EYA4: variants seen among roughly 807,000 people sequenced by gnomAD.
The protein encoded by EYA4 is protein phosphatase EYA4.
A neutral mutation model predicts 87.9 loss-of-function variants in EYA4; 31 were observed. That is an observed-to-expected ratio of 0.35 (90% CI 0.27 to 0.48). The LOEUF is 0.48. EYA4 is among the 20% of genes least tolerant of loss of function. The pLI is 0.99. For synonymous variants in EYA4, 263 were observed against 270.6 expected (o/e 0.97, Z 0.28); for missense variants, 678 against 761.4 (o/e 0.89, Z 1.29).
chr6:133,296,445 A>G (rs1778951670), intron 2 of EYA4, among the ~76,000 whole-genome samples: 1 of 152,180 alleles, frequency 6.6e-6, no homozygotes, highest in Admixed American at 6.6e-5. Flanking sequence ...AGGCTGTTGC[A>G]GTAGTTCAGG....
At chr6:133,335,594 G>T (rs1393644602) in intron 2 of EYA4, among the ~76,000 whole-genome samples, 1 of 152,162 alleles carries the variant, frequency 6.6e-6, no homozygotes, top group Non-Finnish European at 1.5e-5. Flanking sequence ...GTAGTTAAAT[G>T]GTTTCTCTGA....
chr6:133,434,044 G>A (rs1791421871), intron 3 of EYA4, among the ~76,000 whole-genome samples: 1 of 152,196 alleles, frequency 6.6e-6, no homozygotes, highest in African/African-American at 2.4e-5. Flanking sequence ...CCACAACTGT[G>A]TGACTATGGG....
chr6:133,401,504 A>C (rs1470615380), intron 3 of EYA4, among the ~76,000 whole-genome samples: 1 of 152,216 alleles, frequency 6.6e-6, no homozygotes, highest in Non-Finnish European at 1.5e-5. Context: ...ACGTACCCTC[A>C]AAATGTGTCC....
intron 5 of EYA4, among the ~76,000 whole-genome samples, chr6:133,451,103 C>T (rs1169037785): frequency 2.6e-5 from 4 of 152,126 alleles, no homozygotes; most frequent in Admixed American, 1.3e-4. Flanking sequence ...TCTCTGTTGT[C>T]GCTATTTAGC....
At chr6:133,382,571 A>G (rs2128480875) in intron 3 of EYA4, 130 bp downstream of exon 3, 1 of 781,768 alleles carries the variant, frequency 1.3e-6, no homozygotes, top group Non-Finnish European at 2.4e-6. Context: ...CTTGATGGAA[A>G]CTGTATATCA....
chr6:133,487,218 T>C (rs1432974472), intron 13 of EYA4, among the ~76,000 whole-genome samples: 4 of 152,168 alleles, frequency 2.6e-5, no homozygotes, highest in Non-Finnish European at 5.9e-5. Context: ...GAGAAGAATC[T>C]TCCATCTCAG....
chr6:133,392,073 G>T (rs1186557694), intron 3 of EYA4, among the ~76,000 whole-genome samples: 2 of 152,102 alleles, frequency 1.3e-5, no homozygotes, highest in East Asian at 3.9e-4. Context: ...ACCTTTAAGT[G>T]GAGTGGCAGC....
At chr6:133,338,477 GC>G (rs1782541063) in intron 2 of EYA4, among the ~76,000 whole-genome samples, 1 of 152,068 alleles carries the variant, frequency 6.6e-6, no homozygotes, top group South Asian at 2.1e-4. Context: ...TTCCAGGATG[GC>G]TCTGTCAGGA....
intron 3 of EYA4, among the ~76,000 whole-genome samples, chr6:133,407,541 A>G (rs1038221549): frequency 2.0e-5 from 3 of 151,754 alleles, no homozygotes; most frequent in African/African-American, 7.3e-5. Flanking sequence ...CAGCATGCCA[A>G]CCCCCCTCAC....
At chr6:133,334,167 T>G (rs976133825) in intron 2 of EYA4, among the ~76,000 whole-genome samples, 3 of 152,234 alleles carry the variant, frequency 2.0e-5, no homozygotes, top group African/African-American at 7.2e-5. Flanking sequence ...TTAATAACTT[T>G]AAACTTACAA....
chr6:133,315,161 C>G (rs1328702056), intron 2 of EYA4, among the ~76,000 whole-genome samples: 1 of 152,144 alleles, frequency 6.6e-6, no homozygotes, highest in Non-Finnish European at 1.5e-5. Flanking sequence ...ACTGAAGCGG[C>G]TCAGAATTTC....
At chr6:133,362,181 C>T (rs1583061774) in intron 2 of EYA4, among the ~76,000 whole-genome samples, 2 of 152,074 alleles carry the variant, frequency 1.3e-5, no homozygotes, top group Non-Finnish European at 2.9e-5. Flanking sequence ...CAGCTTATCC[C>T]CTCCTGTAGA....
At chr6:133,243,809 T>G (rs1485761744) in intron 1 of EYA4, among the ~76,000 whole-genome samples, 1 of 152,174 alleles carries the variant, frequency 6.6e-6, no homozygotes, top group Admixed American at 6.5e-5. Context: ...TTGTGTATTT[T>G]TAAAAATAAC....
chr6:133,518,779 A>T (rs1799836190), intron 17 of EYA4, among the ~76,000 whole-genome samples: 1 of 152,192 alleles, frequency 6.6e-6, no homozygotes, highest in African/African-American at 2.4e-5. Context: ...AAAAGAACAG[A>T]AATTATAACA....
At chr6:133,363,715 T>C (rs578258543) in intron 2 of EYA4, among the ~76,000 whole-genome samples, 1 of 152,148 alleles carries the variant, frequency 6.6e-6, no homozygotes, top group South Asian at 2.1e-4. Context: ...GACCTCATGA[T>C]CCGCCCGCCT....
chr6:133,434,478 T>G (rs1329069900), intron 3 of EYA4, among the ~76,000 whole-genome samples: 1 of 152,216 alleles, frequency 6.6e-6, no homozygotes, highest in African/African-American at 2.4e-5. Context: ...GATACTTTTT[T>G]TTGTGTGATC....
At chr6:133,450,312 G>A (rs766688957) in intron 5 of EYA4, among the ~76,000 whole-genome samples, 8 of 152,126 alleles carry the variant, frequency 5.3e-5, no homozygotes, top group Non-Finnish European at 1.2e-4. Context: ...TATGGTGGGT[G>A]TTGGTGACAC....
At chr6:133,260,859 A>C (rs553215669) in intron 1 of EYA4, among the ~76,000 whole-genome samples, 1 of 152,224 alleles carries the variant, frequency 6.6e-6, no homozygotes, top group South Asian at 2.1e-4. Context: ...AAATGTGACA[A>C]ACTTTTTAGA....
intron 2 of EYA4, among the ~76,000 whole-genome samples, chr6:133,323,863 G>T (rs1781290624): frequency 6.6e-6 from 1 of 152,072 alleles, no homozygotes; most frequent in African/African-American, 2.4e-5. Context: ...CAAGGAAGAA[G>T]TAGTACAAAC....
Sources: gnomAD v4.1 joint callset for allele counts (sites outside exome capture counted in the v4.1 genomes callset) on GRCh38, gnomAD v4.1.1 for gene constraint, MANE v1.5 for transcripts, NCBI Gene and HGNC (gene_info 2026-07-23, HGNC 2026-07-21) for gene names.